The following LRRTM4 variants were observed in gnomAD, a reference collection of about 807,000 sequenced individuals.
LRRTM4 encodes the protein leucine rich repeat transmembrane neuronal 4.
LRRTM4 carries 25 observed loss-of-function variants against 47.6 expected under a neutral mutation model. The observed-to-expected ratio is 0.53, with a 90% CI of 0.38 to 0.73. LRRTM4 has a LOEUF of 0.73. Among genes scored for constraint, LRRTM4 ranks in the 30% least tolerant of loss-of-function variants. The pLI is 0.00. For missense variants in LRRTM4, 638 were observed against 713.4 expected, an observed-to-expected ratio of 0.89 and a Z score of 1.20; for synonymous variants, 311 against 269.5, an observed-to-expected ratio of 1.15 and a Z score of -1.51.
chr2:76,854,825 T>TC (rs1672100991), intron 3 of LRRTM4, among the ~76,000 whole-genome samples: 1 of 151,532 alleles, frequency 6.6e-6, no homozygotes, highest in South Asian at 2.1e-4. Flanking sequence ...TTTTTTTTTT[T>TC]CACAGAGCTA....
intron 3 of LRRTM4, among the ~76,000 whole-genome samples, chr2:77,435,937 G>A (rs1675576702): frequency 6.6e-6 from 1 of 151,932 alleles, no homozygotes; most frequent in South Asian, 2.1e-4. Flanking sequence ...AAAATATCAA[G>A]GATTAATGGT....
At chr2:77,067,920 T>C (rs1680015680) in intron 3 of LRRTM4, among the ~76,000 whole-genome samples, 1 of 152,150 alleles carries the variant, frequency 6.6e-6, no homozygotes, top group South Asian at 2.1e-4. Flanking sequence ...GAAAGTGATA[T>C]ATTTTCATGA....
intron 3 of LRRTM4, among the ~76,000 whole-genome samples, chr2:76,970,955 G>C (rs1282384634): frequency 6.6e-6 from 1 of 151,914 alleles, no homozygotes; most frequent in East Asian, 1.9e-4. Flanking sequence ...ATTACTTGCT[G>C]TTTAGAATGT....
intron 3 of LRRTM4, among the ~76,000 whole-genome samples, chr2:77,232,991 C>G (rs1675008879): frequency 6.6e-6 from 1 of 152,120 alleles, no homozygotes; most frequent in Non-Finnish European, 1.5e-5. Context: ...AAGAAAATTA[C>G]ATTTGTGCAA....
Position 76,812,708 on chromosome 2 carries a change from A to C in LRRTM4, c.1552-63792T>G, listed in dbSNP as rs9710872. 3.5e-3 allele frequency among the ~76,000 whole-genome samples: 348 copies of C among 99,848 alleles called. 4 individuals are homozygous for C. In the East Asian group the frequency reaches 0.058, roughly 17 times the overall value. The allele number at this position is 99,848 out of a possible 152,430, so 65.5% of individuals were successfully genotyped here. A position where few individuals can be genotyped will look rare whatever the true frequency, so the allele number is the denominator to read the frequency against. On this transcript the variant is annotated intron_variant, in intron 3 of 3. Transcript: ENST00000409884. ...CTTTCTTTCTTTCTTTTCTTTCTTTATTTCTTTTTCTTTCTCTTTTTCTCC... is the reference window on the plus strand; with the variant it reads ...CTTTCTTTCTTTCTTTTCTTTCTTTCTTTCTTTTTCTTTCTCTTTTTCTCC...
intron 3 of LRRTM4, among the ~76,000 whole-genome samples, chr2:76,930,511 C>G (rs1674736471): frequency 6.6e-6 from 1 of 152,192 alleles, no homozygotes; most frequent in Non-Finnish European, 1.5e-5. Context: ...GCAGATGCCA[C>G]AGCAGAAGTG....
chr2:77,012,102 A>G (rs1573449615), intron 3 of LRRTM4, among the ~76,000 whole-genome samples: 1 of 152,102 alleles, frequency 6.6e-6, no homozygotes, highest in East Asian at 1.9e-4. Context: ...TCTGTGGCCA[A>G]TGCAAACCTG....
chr2:76,937,781 T>C (rs776978567), intron 3 of LRRTM4, among the ~76,000 whole-genome samples: 13 of 152,104 alleles, frequency 8.5e-5, no homozygotes, highest in Non-Finnish European at 1.5e-4. Context: ...TTTGCTAGGA[T>C]GGTCTCGATC....
At chr2:77,402,233 A>G (rs1673989071) in intron 3 of LRRTM4, among the ~76,000 whole-genome samples, 1 of 151,810 alleles carries the variant, frequency 6.6e-6, no homozygotes, top group Non-Finnish European at 1.5e-5. Flanking sequence ...GCAGCTTCAA[A>G]CTCCTAGGCT....
chr2:76,833,792 TC>T (rs2103904556), intron 3 of LRRTM4, among the ~76,000 whole-genome samples: 1 of 151,878 alleles, frequency 6.6e-6, no homozygotes, highest in East Asian at 1.9e-4. Flanking sequence ...AAATATTTTT[TC>T]TTAGAGAAAA....
intron 3 of LRRTM4, among the ~76,000 whole-genome samples, chr2:77,285,743 A>G (rs565127771): frequency 1.4e-5 from 2 of 146,426 alleles, no homozygotes; most frequent in Admixed American, 1.3e-4. Flanking sequence ...CTCCATCTCA[A>G]AAAAACAACA....
rs189230014 is a variant in LRRTM4 at position 77,117,549 on chromosome 2, T to A, written c.1552-368633A>T. ...TTCCCCAAAACCTATCTGCTCCATA[T>A]GGGCATGGCAAATATCTAAAAACTT... is the stretch of plus-strand genomic sequence containing the variant. On this transcript the variant is annotated intron_variant, in intron 3 of 3. Transcript: ENST00000409884. 3.8e-3 allele frequency among the ~76,000 whole-genome samples: 578 copies of A among 152,028 alleles called. 2 individuals carry two copies. Among genetic ancestry groups the A allele is most frequent in the African/African-American group, 0.013 (552 of 41,518 alleles).
chr2:77,097,867 A>T (rs1447104771), intron 3 of LRRTM4, among the ~76,000 whole-genome samples: 1 of 151,964 alleles, frequency 6.6e-6, no homozygotes, highest in Non-Finnish European at 1.5e-5. Context: ...AATAGGGAGG[A>T]TCATTAAAGA....
intron 3 of LRRTM4, among the ~76,000 whole-genome samples, chr2:76,847,439 G>A (rs1199701731): frequency 6.6e-6 from 1 of 151,860 alleles, no homozygotes; most frequent in Non-Finnish European, 1.5e-5. Flanking sequence ...TTTCCTATTT[G>A]TCATCTTCTC....
intron 3 of LRRTM4, among the ~76,000 whole-genome samples, chr2:76,963,094 T>C (rs2103917724): frequency 6.6e-6 from 1 of 151,090 alleles, no homozygotes; most frequent in African/African-American, 2.4e-5. Context: ...AATAATTCAA[T>C]GTAATTATTT....
At chr2:77,449,452 C>T (rs1391253164) in intron 3 of LRRTM4, among the ~76,000 whole-genome samples, 1 of 152,036 alleles carries the variant, frequency 6.6e-6, no homozygotes, top group Non-Finnish European at 1.5e-5. Context: ...TATTTATTTG[C>T]CTTTTCAGAA....
intron 3 of LRRTM4, among the ~76,000 whole-genome samples, chr2:76,960,873 T>C (rs868344635): frequency 4.0e-5 from 6 of 151,526 alleles, no homozygotes; most frequent in Non-Finnish European, 5.9e-5. Context: ...TTTTGGCACA[T>C]TTTAAAAAAT....
intron 3 of LRRTM4, among the ~76,000 whole-genome samples, chr2:77,132,984 A>T (rs182241963): frequency 2.0e-5 from 3 of 152,312 alleles, no homozygotes; most frequent in Admixed American, 2.0e-4. Context: ...CATTTCTATT[A>T]TAGATATATA....
At chr2:76,978,963 A>C (rs1024460772) in intron 3 of LRRTM4, among the ~76,000 whole-genome samples, 4 of 151,954 alleles carry the variant, frequency 2.6e-5, no homozygotes, top group African/African-American at 9.7e-5. Flanking sequence ...GACAACCTTA[A>C]AGTCCCTGAA....
Sources: gnomAD v4.1 joint callset for allele counts (sites outside exome capture counted in the v4.1 genomes callset) on GRCh38, gnomAD v4.1.1 for gene constraint, MANE v1.5 for transcripts, NCBI Gene and HGNC (gene_info 2026-07-23, HGNC 2026-07-21) for gene names.